The following CLEC16A variants were observed in gnomAD, a reference collection of about 807,000 sequenced individuals.
CLEC16A encodes the protein protein CLEC16A.
A neutral mutation model predicts 109.5 loss-of-function variants in CLEC16A; 51 were observed. The ratio of observed to expected loss-of-function variants is 0.47; its 90% confidence interval spans 0.37 to 0.59. The LOEUF (loss-of-function observed/expected upper bound fraction) is 0.59, where lower values mean the gene tolerates loss of function less well. Ranked by LOEUF, CLEC16A falls within the 20% of genes least tolerant of loss-of-function variation. The pLI is 0.00. For synonymous variants in CLEC16A, 673 were observed against 564.2 expected, an observed-to-expected ratio of 1.19 and a Z score of -2.73; for missense variants, 1,339 against 1,394.0, an observed-to-expected ratio of 0.96 and a Z score of 0.63.
intron 10 of CLEC16A, among the ~76,000 whole-genome samples, chr16:10,990,370 CGTT>C (rs1270750814): frequency 2.0e-5 from 3 of 152,164 alleles, no homozygotes; most frequent in Admixed American, 6.5e-5. Context: ...AGGAGCGTAT[CGTT>C]GTCTGAGAAA....
chr16:11,135,713 T>C, intron 22 of CLEC16A, among the ~76,000 whole-genome samples: 1 of 152,252 alleles, frequency 6.6e-6, no homozygotes. Context: ...ATATGCAATC[T>C]GCCATTTGAC....
chr16:10,967,872 C>T (rs55716924), intron 3 of CLEC16A, among the ~76,000 whole-genome samples: 27,459 of 152,204 alleles, frequency 0.18, 2,686 homozygotes, highest in South Asian at 0.3. Context: ...AACACTAGCA[C>T]GCATGGGGAG....
At chr16:11,006,461 C>T (rs1416770381) in intron 11 of CLEC16A, among the ~76,000 whole-genome samples, 1 of 152,156 alleles carries the variant, frequency 6.6e-6, no homozygotes, top group South Asian at 2.1e-4. Context: ...TTTTCTCTTC[C>T]ACATTATTTC....
intron 19 of CLEC16A, among the ~76,000 whole-genome samples, chr16:11,081,889 A>G (rs776491555): frequency 1.4e-4 from 21 of 152,252 alleles, no homozygotes; most frequent in South Asian, 4.1e-4. Flanking sequence ...AAAAGTAGCC[A>G]GGTGTGGTGG....
At chr16:11,041,189 T>G (rs913402581) in intron 14 of CLEC16A, 2 of 152,260 alleles carry the variant, frequency 1.3e-5, no homozygotes, top group Non-Finnish European at 1.5e-5. Context: ...ACTTCACTTT[T>G]CTAAGCCTCA....
chr16:11,117,885 G>A (rs2052117169), intron 19 of CLEC16A, among the ~76,000 whole-genome samples: 1 of 152,220 alleles, frequency 6.6e-6, no homozygotes, highest in East Asian at 1.9e-4. Flanking sequence ...GTAGACCATA[G>A]ATCTAATGGT....
chr16:11,152,347 A>C (rs1406738586), intron 22 of CLEC16A, among the ~76,000 whole-genome samples: 1 of 152,204 alleles, frequency 6.6e-6, no homozygotes, highest in Non-Finnish European at 1.5e-5. Context: ...TGGTGTCTGC[A>C]TGGGTCTGAC....
intron 10 of CLEC16A, among the ~76,000 whole-genome samples, chr16:10,990,490 G>C (rs1337357326): frequency 6.6e-6 from 1 of 152,210 alleles, no homozygotes; most frequent in Non-Finnish European, 1.5e-5. Flanking sequence ...CCAGGGCCGC[G>C]GGTGACTGTG....
At chr16:10,997,755 A>G (rs2044417385) in intron 10 of CLEC16A, among the ~76,000 whole-genome samples, 2 of 152,242 alleles carry the variant, frequency 1.3e-5, no homozygotes, top group Non-Finnish European at 2.9e-5. Flanking sequence ...CTCAGTTTGT[A>G]TATTCTTCCA....
chr16:11,155,549 C>T (rs1403037782), intron 22 of CLEC16A, among the ~76,000 whole-genome samples: 7 of 152,272 alleles, frequency 4.6e-5, no homozygotes, highest in African/African-American at 1.4e-4. Context: ...ACTTAACAAC[C>T]TCAGCTGTGG....
chr16:10,957,316 T>G (rs1194605556), intron 1 of CLEC16A, among the ~76,000 whole-genome samples: 1 of 152,208 alleles, frequency 6.6e-6, no homozygotes, highest in Non-Finnish European at 1.5e-5. Context: ...TCTCTAAACC[T>G]CAACATTAGC....
In CLEC16A at chr16:11,126,033, G is replaced by C; in HGVS notation, c.2528G>C (p.Gly843Ala). The C allele has an allele frequency of 6.2e-7, 1 of 1,613,576 alleles. No homozygotes were observed. Among genetic ancestry groups the C allele is most frequent in the Non-Finnish European group, 8.5e-7 (1 of 1,179,834 alleles). ...PTTEVLGFGLGSSTSTQHLPF... is the reference protein window; with the variant it reads ...PTTEVLGFGLASSTSTQHLPF... ...ACTGAAGTCCTGGGGTTTGGACTCGGCTCCTCCACCTCCACTCAGCACCTG... is the reference window on the plus strand; with the variant it reads ...ACTGAAGTCCTGGGGTTTGGACTCGCCTCCTCCACCTCCACTCAGCACCTG... Residue 843 changes from glycine to alanine, a missense_variant, in exon 22 of 24, where the codon GGC (glycine) becomes GCC (alanine). Around this residue, in one of 3 missense-constraint regions of CLEC16A, gnomAD observed 1,061 missense variants for 1,006.8 expected, o/e 1.05. Coordinates refer to ENST00000409790, the MANE Select transcript of CLEC16A (RefSeq NM_015226.3).
chr16:10,990,964 T>C (rs1294863649), intron 10 of CLEC16A, among the ~76,000 whole-genome samples: 1 of 152,200 alleles, frequency 6.6e-6, no homozygotes, highest in African/African-American at 2.4e-5. Flanking sequence ...GTCAGTATTA[T>C]TTATTCAGAT....
At chr16:11,119,551 CA>C (rs1181081815) in intron 19 of CLEC16A, among the ~76,000 whole-genome samples, 6 of 152,242 alleles carry the variant, frequency 3.9e-5, no homozygotes, top group East Asian at 1.9e-4. Context: ...CCACCACACT[CA>C]ACTAATTTTT....
At chr16:11,050,791 C>G (rs2047898026) in intron 17 of CLEC16A, among the ~76,000 whole-genome samples, 2 of 152,218 alleles carry the variant, frequency 1.3e-5, no homozygotes, top group Non-Finnish European at 2.9e-5. Context: ...GGAGGTGATC[C>G]CAGCACGTGC....
intron 22 of CLEC16A, among the ~76,000 whole-genome samples, chr16:11,138,147 TC>T (rs916772916): frequency 1.5e-4 from 23 of 152,012 alleles, no homozygotes; most frequent in African/African-American, 5.1e-4. Flanking sequence ...TTGACGAGGG[TC>T]AGGAAAAGGA....
chr16:11,063,184 C>T (rs1029000898), intron 19 of CLEC16A, among the ~76,000 whole-genome samples: 6 of 150,914 alleles, frequency 4.0e-5, no homozygotes, highest in African/African-American at 7.3e-5. Flanking sequence ...CTAAGGAGGG[C>T]GACTTTCAGA....
chr16:11,135,989 C>G (rs972593804), intron 22 of CLEC16A: 1 of 152,308 alleles, frequency 6.6e-6, no homozygotes, highest in African/African-American at 2.4e-5. Flanking sequence ...TCTTCCCACC[C>G]CAGGGTGTCC....
At chr16:10,971,401 C>T (rs1269651715) in intron 5 of CLEC16A, 171 bp downstream of exon 5, 6 of 411,738 alleles carry the variant, frequency 1.5e-5, no homozygotes, top group Non-Finnish European at 2.0e-5. Flanking sequence ...TAGCTGGCCG[C>T]TCATGGAAAT....
Sources: gnomAD v4.1 joint callset for allele counts (sites outside exome capture counted in the v4.1 genomes callset) on GRCh38, gnomAD v4.1.1 for gene constraint, gnomAD v4.1.1 regional missense constraint, MANE v1.5 for transcripts, NCBI Gene and HGNC (gene_info 2026-07-23, HGNC 2026-07-21) for gene names.